The following SLC36A2 variants were observed in gnomAD, a reference collection of about 807,000 sequenced individuals.
SLC36A2 encodes the protein proton-coupled amino acid transporter 2.
SLC36A2 carries 39 observed loss-of-function variants against 42.7 expected under a neutral mutation model. That is an observed-to-expected ratio of 0.91 (90% CI 0.71 to 1.19). SLC36A2 has a LOEUF of 1.19. Ranked by LOEUF, SLC36A2 falls within the 50% of genes most tolerant of loss-of-function variation. SLC36A2 has a pLI of 0.00. For missense variants in SLC36A2, 590 were observed against 613.7 expected (o/e 0.96, Z 0.41); for synonymous variants, 237 against 240.8 (o/e 0.98, Z 0.15).
At chr5:151,318,584 A>ATG (rs201669131) in intron 9 of SLC36A2, among the ~76,000 whole-genome samples, 11,866 of 145,768 alleles carry the variant, frequency 0.081, 747 homozygotes, top group African/African-American at 0.17. Context: ...TAAATATTTT[A>ATG]TATATATAAA....
Position 151,316,450 on chromosome 5 carries a change from A to G in SLC36A2, c.*367T>C. On this transcript the variant is annotated 3_prime_UTR_variant, in exon 10 of 10. Transcript: ENST00000335244. ...AGTGACATAAAGATAATGCATATAA[A>G]AGAGATCTGGCCAGGCGAGGTGGCT... The G allele has an allele frequency of 4.1e-6, 1 of 242,816 alleles. No individual in the cohort carries two copies. Among genetic ancestry groups the G allele is most frequent in the Non-Finnish European group, 8.1e-6 (1 of 123,948 alleles). The allele number at this position is 242,816 out of a possible 1,614,324, so 15.0% of individuals were successfully genotyped here.
chr5:151,337,557 G>T (rs543791540), intron 5 of SLC36A2, among the ~76,000 whole-genome samples: 1 of 152,328 alleles, frequency 6.6e-6, no homozygotes, highest in South Asian at 2.1e-4. Context: ...AAATGCAGAT[G>T]ATAAGTATAG....
chr5:151,332,200 G>T (rs1284042890), intron 7 of SLC36A2, among the ~76,000 whole-genome samples: 1 of 151,686 alleles, frequency 6.6e-6, no homozygotes, highest in Non-Finnish European at 1.5e-5. Context: ...AATTTAAAAG[G>T]AAAAAAGAAG....
In SLC36A2 at chr5:151,347,538, T is replaced by G. The variant is rs1756533012; in HGVS notation, c.-78A>C. On this transcript the variant is annotated 5_prime_UTR_variant, in exon 1 of 10. Coordinates refer to ENST00000335244, the MANE Select transcript of SLC36A2 (RefSeq NM_181776.3). ...GAGGGAAGCAGGAAGGTGTCTAGTG[T>G]AGATGTACACCCCAGCACAGTGGTG... 11 of 1,554,310 alleles carry G rather than the reference T, an allele frequency of 7.1e-6. No homozygotes were observed. Among genetic ancestry groups the G allele is most frequent in the Middle Eastern group, 2.3e-4 (1 of 4,344 alleles).
intron 5 of SLC36A2, among the ~76,000 whole-genome samples, chr5:151,336,459 CTTTTTTT>C (rs769643262): frequency 3.5e-5 from 4 of 113,198 alleles, no homozygotes; most frequent in African/African-American, 1.3e-4. Flanking sequence ...TTCCCTCAAT[CTTTTTTT>C]TTTTTTTTTT....
chr5:151,325,447 C>T lies in SLC36A2; in HGVS notation c.849G>A (p.Leu283=). Residue 283 remains leucine (L), a synonymous_variant, in exon 8 of 10, where the codon CTG becomes CTA. Transcript: ENST00000335244. ...CATTCTTCATCTTGTTTTCCAGAGGCAGAACCTACAGAAACATCACAATGT... is the reference window on the plus strand; with the variant it reads ...CATTCTTCATCTTGTTTTCCAGAGGTAGAACCTACAGAAACATCACAATGT... ...IFSFESIGVV[L]PLENKMKNAR... is the part of the protein sequence containing the mutation. The T allele has an allele frequency of 6.2e-7, 1 of 1,613,986 alleles. No homozygotes were observed. The highest frequency in any genetic ancestry group is 8.5e-7 in the Non-Finnish European group (1 of 1,180,010).
chr5:151,334,615 C>T (rs1383970272), intron 6 of SLC36A2, among the ~76,000 whole-genome samples: 6 of 152,068 alleles, frequency 3.9e-5, no homozygotes, highest in East Asian at 1.9e-4. Context: ...CGCTTGAACC[C>T]GGGAGGCAGA....
At chr5:151,332,801 C>G (rs1010338022) in intron 7 of SLC36A2, among the ~76,000 whole-genome samples, 9 of 152,312 alleles carry the variant, frequency 5.9e-5, no homozygotes, top group Admixed American at 2.0e-4. Flanking sequence ...CTAAAAGTAA[C>G]TTTTAAAAAT....
chr5:151,342,679 G>C (rs1756380171), intron 4 of SLC36A2, among the ~76,000 whole-genome samples: 1 of 152,214 alleles, frequency 6.6e-6, no homozygotes, highest in South Asian at 2.1e-4. Context: ...AAACATTAAA[G>C]CTGCGTAGCA....
chr5:151,347,384 C>T lies in SLC36A2; in HGVS notation c.77G>A (p.Ser26Asn), dbSNP rs543130673. Residue 26 changes from serine to asparagine, a missense_variant, in exon 1 of 10, where the codon AGT (serine) becomes AAT (asparagine). Coordinates refer to ENST00000335244, the MANE Select transcript of SLC36A2 (RefSeq NM_181776.3). ...GTCCTTGTTCTCCAACTTCTTGGCA[C>T]TTTCAGGAGGCGACATAAGGTCCAA... Reference protein sequence around the residue: ...IKLDLMSPPESAKKLENKDST... With the variant: ...IKLDLMSPPENAKKLENKDST... The T allele has an allele frequency of 6.2e-7, 1 of 1,614,252 alleles. No homozygotes were observed. Among genetic ancestry groups the T allele is most frequent in the Non-Finnish European group, 8.5e-7 (1 of 1,180,048 alleles).
chr5:151,345,270 T>C (rs1000357463), intron 1 of SLC36A2, among the ~76,000 whole-genome samples: 4 of 152,186 alleles, frequency 2.6e-5, no homozygotes, highest in Middle Eastern at 3.2e-3. Context: ...ACTTATTCTT[T>C]GTAAAACAAC....
At chr5:151,329,121 A>C (rs1755926407) in intron 7 of SLC36A2, among the ~76,000 whole-genome samples, 2 of 152,254 alleles carry the variant, frequency 1.3e-5, no homozygotes, top group African/African-American at 4.8e-5. Context: ...TGAGCTGTAC[A>C]TATGTGGAAC....
chr5:151,335,052 C>A (rs1192258751), intron 6 of SLC36A2, among the ~76,000 whole-genome samples: 1 of 152,062 alleles, frequency 6.6e-6, no homozygotes, highest in Non-Finnish European at 1.5e-5. Flanking sequence ...GTCTACAGTT[C>A]ACCAACCAAG....
intron 5 of SLC36A2, among the ~76,000 whole-genome samples, chr5:151,338,188 T>C (rs1756211800): frequency 6.6e-6 from 1 of 152,188 alleles, no homozygotes; most frequent in South Asian, 2.1e-4. Flanking sequence ...TTCTAGCTAG[T>C]TTACATTTTT....
chr5:151,338,667 T>C (rs2127296274), intron 5 of SLC36A2: 1 of 212,132 alleles, frequency 4.7e-6, no homozygotes, highest in Admixed American at 5.4e-5. Context: ...CAGAGCAATA[T>C]CCTGTCTCAA....
chr5:151,323,925 G>A (rs1755777449), intron 8 of SLC36A2, among the ~76,000 whole-genome samples: 1 of 152,164 alleles, frequency 6.6e-6, no homozygotes, highest in Non-Finnish European at 1.5e-5. Context: ...GGCAAATTAG[G>A]TCTCCAAGGG....
chr5:151,316,968 T>A lies in SLC36A2; in HGVS notation c.1301A>T (p.Glu434Val). Reference protein sequence around the residue: ...PLLEVTTFYSEGMSPLTIFKD... With the variant: ...PLLEVTTFYSVGMSPLTIFKD... The stretch of plus-strand genomic sequence containing the variant: ...GAAGATGGTGAGGGGGCTCATGCCC[T>A]CTGAGTAGAACGTGGTGACCTCCAG... Residue 434 changes from glutamate to valine, a missense_variant, in exon 10 of 10, where the codon GAG becomes GTG. Glu to Val is a moderately radical substitution (Grantham distance 121). Coordinates refer to ENST00000335244, the MANE Select transcript of SLC36A2 (RefSeq NM_181776.3). The A allele has an allele frequency of 1.2e-6, 2 of 1,613,922 alleles. No individual in the cohort carries two copies. Among genetic ancestry groups the A allele is most frequent in the Non-Finnish European group, 8.5e-7 (1 of 1,179,962 alleles).
rs147494701 is a variant in SLC36A2, at chr5:151,321,941, G to A, written c.1180+105C>T. On this transcript the variant is annotated intron_variant, in intron 9 of 9. Coordinates refer to ENST00000335244, the MANE Select transcript of SLC36A2 (RefSeq NM_181776.3). ...GATCCACCCGCCTCGGCCTCCCAAAGTGCCAGGATTACAGGTGTAAGCCAA... is the reference window on the plus strand; with the variant it reads ...GATCCACCCGCCTCGGCCTCCCAAAATGCCAGGATTACAGGTGTAAGCCAA... 2.2e-3 allele frequency: 3,250 copies of A among 1,482,412 alleles called. 57 individuals are homozygous for A. In the African/African-American group the frequency reaches 0.039, roughly 18 times the overall value. The allele number at this position is 1,482,412 out of a possible 1,614,324, so 91.8% of individuals were successfully genotyped here.
At position 151,347,317 on chromosome 5, in the gene SLC36A2, C is replaced by T; in HGVS notation, c.144G>A (p.Leu48=). 1 of 1,614,150 alleles carries T rather than the reference C, an allele frequency of 6.2e-7. No individual in the cohort carries two copies. The highest frequency in any genetic ancestry group is 1.1e-5 in the South Asian group (1 of 91,078). The change falls in exon 1 of 10, where the codon TTG becomes TTA. Residue 48 remains leucine (L), a synonymous_variant. Coordinates refer to ENST00000335244, the MANE Select transcript of SLC36A2 (RefSeq NM_181776.3). ...LDESPSESAG[L]KKTKGITVFQ... is the part of the protein sequence containing the mutation. ...CTCACGTTATGCCCTTGGTCTTCTTCAAGCCTGCTGACTCTGAAGGACTTT... is the reference window on the plus strand; with the variant it reads ...CTCACGTTATGCCCTTGGTCTTCTTTAAGCCTGCTGACTCTGAAGGACTTT...
Sources: allele counts gnomAD v4.1 joint callset (sites outside exome capture counted in the v4.1 genomes callset), GRCh38; gene constraint gnomAD v4.1.1; transcripts MANE v1.5; gene names NCBI Gene and HGNC (gene_info 2026-07-23, HGNC 2026-07-21).